ERLEC1: variants seen among roughly 807,000 people sequenced by gnomAD.
ERLEC1 encodes endoplasmic reticulum lectin 1, also known as ER lectin.
A neutral mutation model predicts 68.0 loss-of-function variants in ERLEC1; 47 were observed. The observed-to-expected ratio is 0.69, with a 90% CI of 0.55 to 0.88. The LOEUF (loss-of-function observed/expected upper bound fraction) is 0.88. Among genes scored for constraint, ERLEC1 ranks in the 40% least tolerant of loss-of-function variants. ERLEC1 has a pLI of 0.00. For synonymous variants in ERLEC1, 225 were observed against 203.2 expected (o/e 1.11, Z -0.91); for missense variants, 567 against 583.8 (o/e 0.97, Z 0.30).
intron 5 of ERLEC1, 141 bp downstream of exon 5, chr2:53,797,936 C>T (rs527856448): frequency 1.1e-4 from 83 of 728,528 alleles, no homozygotes; most frequent in African/African-American, 1.1e-3. Context: ...GTGGCTGACG[C>T]GTGTAATCCC....
At chr2:53,801,271 A>C (rs1353041001) in intron 6 of ERLEC1, 126 bp from the exon 7 acceptor site, 1 of 621,496 alleles carries the variant, frequency 1.6e-6, no homozygotes, top group Non-Finnish European at 2.8e-6. Context: ...AAAATATAGA[A>C]GTGTTACCTT....
chr2:53,802,470 A>G (rs1056068277), intron 8 of ERLEC1, among the ~76,000 whole-genome samples: 3 of 152,194 alleles, frequency 2.0e-5, no homozygotes, highest in African/African-American at 7.2e-5. Flanking sequence ...TTTTAAATCC[A>G]TCCTGTCATT....
intron 8 of ERLEC1, among the ~76,000 whole-genome samples, chr2:53,807,897 C>T (rs1399804605): frequency 6.6e-6 from 1 of 151,948 alleles, no homozygotes; most frequent in African/African-American, 2.4e-5. Flanking sequence ...TGGTGGCAGG[C>T]TCCTATAATC....
chr2:53,815,298 G>A (rs1187423587), intron 13 of ERLEC1, among the ~76,000 whole-genome samples: 3 of 151,958 alleles, frequency 2.0e-5, no homozygotes, highest in African/African-American at 4.8e-5. Context: ...GAGCCACCAC[G>A]CCCGGCTGCC....
chr2:53,817,853 T>C lies in ERLEC1; in HGVS notation c.1381-45T>C, dbSNP rs1438522211. On this transcript the variant is annotated intron_variant, in intron 13 of 13. Transcript: ENST00000185150. ...CATTCAGCAGAATAGTACTGAAAAG[T>C]ATTCAGCTTAGCAACTTTTTAATGG... 3.4e-6 allele frequency: 4 copies of C among 1,177,526 alleles called. No individual in the cohort carries two copies. In the African/African-American group the frequency reaches 4.5e-5, roughly 13 times the overall value. The allele number at this position is 1,177,526 out of a possible 1,614,324, so 72.9% of individuals were successfully genotyped here.
chr2:53,787,129 CCT>C lies in ERLEC1; in HGVS notation c.-80_-79del. The C allele has an allele frequency of 7.8e-7, 1 of 1,283,448 alleles. No individual in the cohort carries two copies. The highest frequency in any genetic ancestry group is 1.0e-6 in the Non-Finnish European group (1 of 977,626). 79.5% of individuals were successfully genotyped at this position (1,283,448 alleles called of 1,614,324 possible). The stretch of plus-strand genomic sequence containing the variant: ...CGGGCGCTTTATAGTCCCGCCGCCT[CCT>C]CCTCCACCTCCTCCTCCTCCTCCTC... On this transcript the variant is annotated 5_prime_UTR_variant, in exon 1 of 14. Coordinates refer to ENST00000185150, the MANE Select transcript of ERLEC1 (RefSeq NM_015701.5).
At chr2:53,813,139 A>C in intron 11 of ERLEC1, 66 bp downstream of exon 11, 1 of 1,554,154 alleles carries the variant, frequency 6.4e-7, no homozygotes. Context: ...AAATATTGAA[A>C]AACATAAAAA....
At chr2:53,793,929 A>T (rs1228336136) in intron 1 of ERLEC1, among the ~76,000 whole-genome samples, 2 of 152,204 alleles carry the variant, frequency 1.3e-5, no homozygotes, top group African/African-American at 4.8e-5. Context: ...GTGAATTAAG[A>T]CAGAAACTGA....
chr2:53,807,531 G>A (rs553223598), intron 8 of ERLEC1, among the ~76,000 whole-genome samples: 9 of 152,170 alleles, frequency 5.9e-5, no homozygotes, highest in African/African-American at 2.2e-4. Flanking sequence ...TCAACCTCCC[G>A]AGTAGCTGGG....
chr2:53,795,353 T>G (rs886437805), intron 2 of ERLEC1, among the ~76,000 whole-genome samples: 9 of 152,220 alleles, frequency 5.9e-5, no homozygotes, highest in East Asian at 1.9e-4. Context: ...AGTAATATTT[T>G]CATGATCTGG....
chr2:53,797,939 G>A (rs1675804236), intron 5 of ERLEC1, 144 bp downstream of exon 5: 1 of 718,448 alleles, frequency 1.4e-6, no homozygotes, highest in Non-Finnish European at 2.4e-6. Flanking sequence ...GCTGACGCGT[G>A]TAATCCCAGC....
intron 1 of ERLEC1, among the ~76,000 whole-genome samples, chr2:53,791,738 T>G (rs1032721110): frequency 6.6e-6 from 1 of 152,112 alleles, no homozygotes; most frequent in Non-Finnish European, 1.5e-5. Flanking sequence ...CTTTTTACAT[T>G]TGAAGCATTT....
chr2:53,800,571 G>A (rs1675951232), intron 6 of ERLEC1, among the ~76,000 whole-genome samples: 1 of 151,946 alleles, frequency 6.6e-6, no homozygotes, highest in Admixed American at 6.6e-5. Context: ...TTCTGGTTTC[G>A]GACATAGTGC....
chr2:53,800,825 T>G (rs886236795), intron 6 of ERLEC1, among the ~76,000 whole-genome samples: 5 of 152,168 alleles, frequency 3.3e-5, no homozygotes, highest in African/African-American at 1.2e-4. Context: ...TATAGGAGTT[T>G]ACATGCTGGA....
chr2:53,808,256 A>C, intron 8 of ERLEC1, 43 bp from the exon 9 acceptor site: 1 of 1,567,438 alleles, frequency 6.4e-7, no homozygotes, highest in South Asian at 1.2e-5. Flanking sequence ...AAAAGAAATT[A>C]AGTTTGGCAT....
At chr2:53,808,051 A>C (rs1244451626) in intron 8 of ERLEC1, among the ~76,000 whole-genome samples, 1 of 152,096 alleles carries the variant, frequency 6.6e-6, no homozygotes, top group East Asian at 1.9e-4. Context: ...ATAATGAGAC[A>C]AAGTATATGA....
At chr2:53,795,445 G>GAC (rs148957941) in intron 2 of ERLEC1, among the ~76,000 whole-genome samples, 1,544 of 151,806 alleles carry the variant, frequency 0.01, 23 homozygotes, top group African/African-American at 0.035. Flanking sequence ...GTCTCCTTGA[G>GAC]ACACACACAC....
At chr2:53,800,144 C>T (rs1031619547) in intron 6 of ERLEC1, among the ~76,000 whole-genome samples, 1 of 152,074 alleles carries the variant, frequency 6.6e-6, no homozygotes, top group Non-Finnish European at 1.5e-5. Context: ...TATCATTGTG[C>T]AAACATAATA....
At chr2:53,803,363 A>G (rs1415376401) in intron 8 of ERLEC1, among the ~76,000 whole-genome samples, 1 of 152,234 alleles carries the variant, frequency 6.6e-6, no homozygotes, top group Non-Finnish European at 1.5e-5. Context: ...TCGTTTTGAT[A>G]GTGAAGTATA....
Sources: allele counts gnomAD v4.1 joint callset (sites outside exome capture counted in the v4.1 genomes callset), GRCh38; gene constraint gnomAD v4.1.1; transcripts MANE v1.5; gene names NCBI Gene and HGNC (gene_info 2026-07-23, HGNC 2026-07-21).